The following R3HDM1 variants were observed in gnomAD, a reference collection of about 807,000 sequenced individuals.
R3HDM1 encodes the protein R3H domain containing 1, also known as R3H domain-containing protein 1.
R3HDM1 carries 46 observed loss-of-function variants against 141.1 expected under a neutral mutation model. The observed-to-expected ratio is 0.33, with a 90% CI of 0.26 to 0.42. The LOEUF (loss-of-function observed/expected upper bound fraction) is 0.42. Among genes scored for constraint, R3HDM1 ranks in the 10% least tolerant of loss-of-function variants. R3HDM1 has a pLI of 1.00. For synonymous variants in R3HDM1, 435 were observed against 472.9 expected, an observed-to-expected ratio of 0.92 and a Z score of 1.04; for missense variants, 1,184 against 1,368.3, an observed-to-expected ratio of 0.87 and a Z score of 2.12.
chr2:135,539,703 A>G (rs1697056981), intron 1 of R3HDM1, among the ~76,000 whole-genome samples: 1 of 139,646 alleles, frequency 7.2e-6, no homozygotes, highest in Admixed American at 6.7e-5. Flanking sequence ...TAGTCTATTT[A>G]AAGTGTGAAG....
chr2:135,662,952 TAATTC>T (rs981337650), intron 19 of R3HDM1, among the ~76,000 whole-genome samples: 11 of 152,248 alleles, frequency 7.2e-5, no homozygotes, highest in African/African-American at 2.6e-4. Context: ...CTAATTAACT[TAATTC>T]ATTAGTACAC....
chr2:135,572,296 C>G (rs1704308455), intron 1 of R3HDM1, among the ~76,000 whole-genome samples: 1 of 152,192 alleles, frequency 6.6e-6, no homozygotes, highest in Admixed American at 6.5e-5. Context: ...GACGTGTATA[C>G]AGAATACATA....
At chr2:135,685,299 C>T (rs1198095161) in intron 21 of R3HDM1, among the ~76,000 whole-genome samples, 1 of 152,124 alleles carries the variant, frequency 6.6e-6, no homozygotes, top group East Asian at 1.9e-4. Flanking sequence ...GTCCTTCCTT[C>T]CTCACTTTCC....
chr2:135,564,103 C>G (rs952687329), intron 1 of R3HDM1, among the ~76,000 whole-genome samples: 2 of 152,160 alleles, frequency 1.3e-5, no homozygotes, highest in Non-Finnish European at 2.9e-5. Flanking sequence ...ACACCACCCA[C>G]CAGGTCTCAC....
chr2:135,581,662 C>T (rs1706838658), intron 1 of R3HDM1, among the ~76,000 whole-genome samples: 1 of 152,106 alleles, frequency 6.6e-6, no homozygotes, highest in African/African-American at 2.4e-5. Flanking sequence ...TTGACCATGC[C>T]GAATTTCCTA....
chr2:135,636,197 T>TA lies in R3HDM1; in HGVS notation c.903+15dup. 6.2e-7 allele frequency: 1 copy of TA among 1,608,374 alleles called. No individual in the cohort carries two copies. Among genetic ancestry groups the TA allele is most frequent in the Non-Finnish European group, 8.5e-7 (1 of 1,177,868 alleles). ...TTTTCCCAAGATGTACGTACTAACTTACTTAGGTCTTCATGTTAGAGTATA... is the reference window on the plus strand; with the variant it reads ...TTTTCCCAAGATGTACGTACTAACTTAACTTAGGTCTTCATGTTAGAGTATA... On this transcript the variant is annotated intron_variant, in intron 11 of 26. Transcript: ENST00000683871.
intron 7 of R3HDM1, among the ~76,000 whole-genome samples, chr2:135,623,679 T>C (rs2061713769): frequency 6.6e-6 from 1 of 152,166 alleles, no homozygotes; most frequent in Non-Finnish European, 1.5e-5. Context: ...TATTCCTCAG[T>C]AGTCCCAACA....
At chr2:135,618,789 G>A (rs2061292695) in intron 5 of R3HDM1, among the ~76,000 whole-genome samples, 1 of 152,020 alleles carries the variant, frequency 6.6e-6, no homozygotes, top group Non-Finnish European at 1.5e-5. Flanking sequence ...GGAGGCCAAG[G>A]CAGGTGGATC....
intron 1 of R3HDM1, among the ~76,000 whole-genome samples, chr2:135,535,545 T>TAAATAAATAAATAAATAA (rs1559073981): frequency 7.4e-6 from 1 of 134,270 alleles, no homozygotes; most frequent in African/African-American, 3.7e-5. Flanking sequence ...TAAATAAATA[T>TAAATAAATAAATAAATAA]GAGATGGCTG....
intron 3 of R3HDM1, chr2:135,606,216 C>T (rs2060033635): frequency 6.6e-6 from 1 of 152,186 alleles, no homozygotes. Flanking sequence ...ATTTATGGCT[C>T]CTCCAACAAG....
rs1327562837 is a variant in R3HDM1 at position 135,621,602 on chromosome 2, T to C, written c.412T>C (p.Ser138Pro). The change falls in exon 6 of 27, where the codon TCA (serine) becomes CCA (proline). Residue 138 changes from serine (S) to proline (P), a missense_variant. Transcript: ENST00000683871. ...ASDKLPRKML[S>P]RDSSQEYTDS... ...TGATAAGTTGCCCAGAAAAATGTTA[T>C]CAAGAGGTTTGCAGTTCTTTTGTTT... The C allele has an allele frequency of 1.3e-6, 2 of 1,576,432 alleles. No individual in the cohort carries two copies. Among genetic ancestry groups the C allele is most frequent in the East Asian group, 2.3e-5 (1 of 44,410 alleles).
intron 1 of R3HDM1, among the ~76,000 whole-genome samples, chr2:135,558,212 A>G (rs1055960093): frequency 3.3e-5 from 5 of 152,236 alleles, no homozygotes; most frequent in African/African-American, 1.2e-4. Flanking sequence ...TCGTATCTGC[A>G]CTGCTCAACA....
Position 135,646,850 on chromosome 2 carries a change from A to C in R3HDM1, c.1623+1323A>C, listed in dbSNP as rs146284374. ...AGAGTGAGACTCCATCTCAAAAAAA[A>C]AAAAAATTAAATAAATAAGTGAGTA... On this transcript the variant is annotated intron_variant, in intron 16 of 26. Transcript: ENST00000683871. 1.3e-3 allele frequency among the ~76,000 whole-genome samples: 202 copies of C among 150,618 alleles called. 5 individuals carry two copies. The East Asian group carries it at 0.039, about 29-fold the overall frequency.
chr2:135,626,193 G>GCTTGCT (rs1239160266), intron 7 of R3HDM1, among the ~76,000 whole-genome samples: 2 of 128,204 alleles, frequency 1.6e-5, no homozygotes, highest in African/African-American at 7.5e-5. Context: ...GCGTGCGTGC[G>GCTTGCT]TGCGTGCGTG....
At chr2:135,717,295 C>A (rs56331346) in intron 24 of R3HDM1, among the ~76,000 whole-genome samples, 1 of 151,954 alleles carries the variant, frequency 6.6e-6, no homozygotes, top group Non-Finnish European at 1.5e-5. Flanking sequence ...ACCAACCTGG[C>A]CAACATAGTG....
chr2:135,559,363 C>T (rs1701388275), intron 1 of R3HDM1, among the ~76,000 whole-genome samples: 2 of 152,090 alleles, frequency 1.3e-5, no homozygotes, highest in African/African-American at 4.8e-5. Context: ...GCAATCCTCC[C>T]ACCTCACCTT....
In R3HDM1 at chr2:135,581,734, G is replaced by A. The variant is rs544297145; in HGVS notation, c.-249-20766G>A. Among the ~76,000 whole-genome samples the A allele has an allele frequency of 2.0e-5, 3 of 152,018 alleles. No homozygotes were observed. The South Asian group carries it at 6.2e-4, about 32-fold the overall frequency. On this transcript the variant is annotated intron_variant, in intron 1 of 26. Coordinates refer to ENST00000683871, the MANE Select transcript of R3HDM1 (RefSeq NM_001378107.1). ...TTTTCAAGTTTCTGAATTTTTATTA[G>A]CCTTCTAAGTTTTACTTTGAAGTAT...
At chr2:135,723,900 A>G in intron 26 of R3HDM1, 37 bp from the exon 27 acceptor site, 1 of 1,520,510 alleles carries the variant, frequency 6.6e-7, no homozygotes, top group Non-Finnish European at 8.9e-7. Flanking sequence ...TTTTTTGGTA[A>G]CAGGAATGTA....
At chr2:135,664,665 A>G (rs2067232176) in intron 19 of R3HDM1, among the ~76,000 whole-genome samples, 1 of 152,238 alleles carries the variant, frequency 6.6e-6, no homozygotes, top group African/African-American at 2.4e-5. Context: ...GTGGACCACA[A>G]CTGAAATCAG....
Sources: gnomAD v4.1 joint callset for allele counts (sites outside exome capture counted in the v4.1 genomes callset) on GRCh38, gnomAD v4.1.1 for gene constraint, MANE v1.5 for transcripts, NCBI Gene and HGNC (gene_info 2026-07-23, HGNC 2026-07-21) for gene names.